LDLRAD3: variants seen among roughly 807,000 people sequenced by gnomAD.
The protein encoded by LDLRAD3 is low-density lipoprotein receptor class A domain-containing protein 3.
Under a neutral mutation model 29.4 loss-of-function variants are expected in LDLRAD3, and 20 were observed. The ratio of observed to expected loss-of-function variants is 0.68; its 90% CI spans 0.48 to 0.99. The LOEUF is 0.99. Ranked by LOEUF, LDLRAD3 falls within the 50% of genes least tolerant of loss-of-function variation. LDLRAD3 has a pLI of 0.00. For missense variants in LDLRAD3, 420 were observed against 454.3 expected (o/e 0.92, Z 0.69); for synonymous variants, 157 against 192.7 (o/e 0.81, Z 1.53).
chr11:36,004,293 G>T (rs1851858355), intron 1 of LDLRAD3, among the ~76,000 whole-genome samples: 1 of 152,168 alleles, frequency 6.6e-6, no homozygotes, highest in Admixed American at 6.5e-5. Flanking sequence ...TAGGGTGAAT[G>T]CTTTTGTTTC....
chr11:36,164,111 C>G (rs1854482231), intron 4 of LDLRAD3, among the ~76,000 whole-genome samples: 2 of 152,188 alleles, frequency 1.3e-5, no homozygotes, highest in South Asian at 4.2e-4. Flanking sequence ...GGGTGATCCT[C>G]TAGGTCACAC....
intron 2 of LDLRAD3, among the ~76,000 whole-genome samples, chr11:36,076,039 G>T (rs960687913): frequency 6.6e-6 from 1 of 152,162 alleles, no homozygotes; most frequent in African/African-American, 2.4e-5. Context: ...CTCCAAGGAG[G>T]TTGGTTCTCT....
chr11:36,096,811 G>C lies in LDLRAD3; in HGVS notation c.320-1516G>C, dbSNP rs140800234. On this transcript the variant is annotated intron_variant, in intron 3 of 5. Transcript: ENST00000315571. ...GACAGCAGATCCCACATTTTCAGTA[G>C]GCACTGGACCTCACAAATCATGTAG... Among the ~76,000 whole-genome samples, 956 of 152,340 alleles carry C rather than the reference G, an allele frequency of 6.3e-3. 9 individuals carry two copies. Among genetic ancestry groups the C allele is most frequent in the African/African-American group, 0.021 (884 of 41,572 alleles).
chr11:36,044,057 C>T (rs1231585287), intron 2 of LDLRAD3, among the ~76,000 whole-genome samples: 5 of 152,166 alleles, frequency 3.3e-5, no homozygotes, highest in Non-Finnish European at 7.3e-5. Context: ...TTTCTTTAGT[C>T]TTAAATGCAA....
At chr11:35,969,700 C>T (rs1373450988) in intron 1 of LDLRAD3, among the ~76,000 whole-genome samples, 2 of 152,158 alleles carry the variant, frequency 1.3e-5, no homozygotes, top group African/African-American at 4.8e-5. Context: ...AGCTGGAATG[C>T]AGCCAGATGT....
At chr11:36,098,271 G>C in intron 3 of LDLRAD3, 56 bp from the exon 4 acceptor site, 1 of 1,606,742 alleles carries the variant, frequency 6.2e-7, no homozygotes, top group Non-Finnish European at 8.5e-7. Context: ...AAGTTCCAGG[G>C]TCCCCAAGGG....
intron 2 of LDLRAD3, among the ~76,000 whole-genome samples, chr11:36,054,868 A>ATGGATGG (rs1291785646): frequency 9.0e-5 from 3 of 33,332 alleles, no homozygotes; most frequent in Non-Finnish European, 1.3e-4. Context: ...TGGATGGATG[A>ATGGATGG]ATGGATGGAT....
intron 1 of LDLRAD3, among the ~76,000 whole-genome samples, chr11:35,992,693 G>C (rs550362719): frequency 6.6e-6 from 1 of 152,308 alleles, no homozygotes; most frequent in South Asian, 2.1e-4. Flanking sequence ...AGGGCTGAGT[G>C]GGGGTTTGGG....
At chr11:36,064,507 A>G (rs1447640435) in intron 2 of LDLRAD3, among the ~76,000 whole-genome samples, 89 of 114,630 alleles carry the variant, frequency 7.8e-4, no homozygotes, top group African/African-American at 2.7e-3. Context: ...TTTTGTAGAG[A>G]TGGGGTTTTG....
intron 4 of LDLRAD3, among the ~76,000 whole-genome samples, chr11:36,134,580 A>G (rs552981322): frequency 6.6e-6 from 1 of 152,146 alleles, no homozygotes; most frequent in East Asian, 1.9e-4. Flanking sequence ...GTTCGAGGGA[A>G]CTCTTGTAGG....
rs1853681009 is a variant in LDLRAD3 at position 36,116,795 on chromosome 11, C to G, written c.454+18334C>G. Among the ~76,000 whole-genome samples the G allele has an allele frequency of 2.6e-5, 4 of 151,858 alleles. No individual in the cohort carries two copies. The South Asian group carries it at 8.3e-4, about 31-fold the overall frequency. ...ACCATATTTTGATTATTTATCAGGA[C>G]AAAGACTTGCCTTGTCATTGCCTGA... On this transcript the variant is annotated intron_variant, in intron 4 of 5. Coordinates refer to ENST00000315571, the MANE Select transcript of LDLRAD3 (RefSeq NM_174902.4).
chr11:36,103,841 T>C (rs371576102), intron 4 of LDLRAD3, among the ~76,000 whole-genome samples: 3 of 152,338 alleles, frequency 2.0e-5, no homozygotes, highest in African/African-American at 7.2e-5. Context: ...GTCCTCACGG[T>C]CCATCCATGT....
At chr11:36,055,026 AATGG>A (rs1704470261) in intron 2 of LDLRAD3, among the ~76,000 whole-genome samples, 1 of 12,968 alleles carries the variant, frequency 7.7e-5, no homozygotes. Context: ...TGGTTGGATG[AATGG>A]ATGGATGGAT....
intron 1 of LDLRAD3, among the ~76,000 whole-genome samples, chr11:35,972,128 C>A (rs1851420582): frequency 6.6e-6 from 1 of 151,800 alleles, no homozygotes; most frequent in Non-Finnish European, 1.5e-5. Context: ...GCTGTGGGTA[C>A]CAATGAGGAG....
rs1366021086 is a variant in LDLRAD3, at chr11:36,004,153, T to G, written c.47-31950T>G. Among the ~76,000 whole-genome samples, 3 of 152,330 alleles carry G rather than the reference T, an allele frequency of 2.0e-5. No individual in the cohort carries two copies. In the East Asian group the frequency reaches 5.8e-4, roughly 29 times the overall value. ...ATCTCTTCTCAACAGTCCCCTAGTC[T>G]TATTTCAGCATTAACTCAGAAGTTC... On this transcript the variant is annotated intron_variant, in intron 1 of 5. Coordinates refer to ENST00000315571, the MANE Select transcript of LDLRAD3 (RefSeq NM_174902.4).
intron 1 of LDLRAD3, among the ~76,000 whole-genome samples, chr11:36,009,097 C>A (rs1257362794): frequency 6.6e-6 from 1 of 152,170 alleles, no homozygotes; most frequent in African/African-American, 2.4e-5. Flanking sequence ...TACACACCTT[C>A]ACTTTTATCC....
At chr11:35,951,524 C>A (rs1305127184) in intron 1 of LDLRAD3, among the ~76,000 whole-genome samples, 1 of 152,196 alleles carries the variant, frequency 6.6e-6, no homozygotes, top group Non-Finnish European at 1.5e-5. Flanking sequence ...TTGTTGCTAT[C>A]TCAGAAGCAC....
chr11:36,219,571 A>G (rs1166757130), intron 4 of LDLRAD3, among the ~76,000 whole-genome samples: 1 of 152,208 alleles, frequency 6.6e-6, no homozygotes, highest in Non-Finnish European at 1.5e-5. Flanking sequence ...CTTTTCAACA[A>G]ATGGTGTTAG....
At chr11:35,951,781 C>T (rs1299811966) in intron 1 of LDLRAD3, among the ~76,000 whole-genome samples, 1 of 152,200 alleles carries the variant, frequency 6.6e-6, no homozygotes, top group Non-Finnish European at 1.5e-5. Context: ...TCACTTCAAC[C>T]TGTGTAGTAC....
Sources: gnomAD v4.1 joint callset for allele counts (sites outside exome capture counted in the v4.1 genomes callset) on GRCh38, gnomAD v4.1.1 for gene constraint, MANE v1.5 for transcripts, NCBI Gene and HGNC (gene_info 2026-07-23, HGNC 2026-07-21) for gene names.